Variants in RBFOX1 observed in about 807,000 individuals in gnomAD.
RBFOX1 encodes the protein RNA binding fox-1 homolog 1, also known as RNA binding protein fox-1 homolog 1.
RBFOX1 carries 8 observed loss-of-function variants against 57.7 expected under a neutral mutation model. The observed-to-expected ratio is 0.14, with a 90% CI of 0.08 to 0.25. The LOEUF (loss-of-function observed/expected upper bound fraction) is 0.25. Ranked by LOEUF, RBFOX1 falls within the 10% of genes least tolerant of loss-of-function variation. The probability of loss-of-function intolerance (pLI) is 1.00; values close to 1 mark genes in which losing one functional copy is unlikely to be tolerated. For missense variants in RBFOX1, 611 were observed against 548.5 expected, an observed-to-expected ratio of 1.11 and a Z score of -1.14; for synonymous variants, 326 against 222.4, an observed-to-expected ratio of 1.47 and a Z score of -4.15.
At chr16:6,151,187 A>G (rs1352054261) in intron 1 of RBFOX1, among the ~76,000 whole-genome samples, 1 of 152,164 alleles carries the variant, frequency 6.6e-6, no homozygotes, top group Non-Finnish European at 1.5e-5. Context: ...GGAGGTGGAC[A>G]TCTATTTGGG....
At chr16:5,805,447 G>A (rs1203954891) in intron 3 of RBFOX1, among the ~76,000 whole-genome samples, 56 of 152,162 alleles carry the variant, frequency 3.7e-4, no homozygotes, top group Admixed American at 3.7e-3. Context: ...AGCTGTTAAT[G>A]CCTATTCTTT....
rs115294835 is a variant in RBFOX1 at position 5,515,390 on chromosome 16, C to T, written c.258+48136C>T. Reference sequence around the variant, plus strand: ...CTGGATCAAGTACAGGAAAGGAACCCAGCTTGGAATCCAGCCTCTGAGAGG... The same window carrying T: ...CTGGATCAAGTACAGGAAAGGAACCTAGCTTGGAATCCAGCCTCTGAGAGG... On this transcript the variant is annotated intron_variant, in intron 2 of 2. Coordinates refer to the RBFOX1 transcript ENST00000585867. 2.1e-3 allele frequency among the ~76,000 whole-genome samples: 327 copies of T among 152,314 alleles called. 2 individuals carry two copies. Among genetic ancestry groups the T allele is most frequent in the African/African-American group, 7.4e-3 (306 of 41,582 alleles).
intron 1 of RBFOX1, among the ~76,000 whole-genome samples, chr16:5,390,867 G>A (rs1178669086): frequency 2.0e-5 from 3 of 152,158 alleles, no homozygotes; most frequent in African/African-American, 7.2e-5. Context: ...GTCACCATAA[G>A]GGAAAGCTAG....
intron 1 of RBFOX1, among the ~76,000 whole-genome samples, chr16:6,254,710 T>A (rs2097649463): frequency 6.6e-6 from 1 of 152,206 alleles, no homozygotes; most frequent in East Asian, 1.9e-4. Flanking sequence ...TTTTTAAATT[T>A]TAAAGCATTT....
At chr16:6,394,145 C>T (rs2092721939) in intron 2 of RBFOX1, among the ~76,000 whole-genome samples, 1 of 152,124 alleles carries the variant, frequency 6.6e-6, no homozygotes, top group Admixed American at 6.6e-5. Context: ...TATTGCCAGC[C>T]CTGAATGCAA....
intron 1 of RBFOX1, among the ~76,000 whole-genome samples, chr16:6,259,448 G>C (rs1259572571): frequency 2.0e-5 from 3 of 152,090 alleles, no homozygotes. Context: ...GTGTCTCTGT[G>C]TCCACTTTCT....
At chr16:5,758,831 A>G (rs2053488211) in intron 3 of RBFOX1, among the ~76,000 whole-genome samples, 1 of 152,172 alleles carries the variant, frequency 6.6e-6, no homozygotes, top group Non-Finnish European at 1.5e-5. Context: ...GCTCCCCTAG[A>G]CAGGAAAAAG....
chr16:6,985,811 G>C (rs2090110424), intron 3 of RBFOX1, among the ~76,000 whole-genome samples: 1 of 143,554 alleles, frequency 7.0e-6, no homozygotes, highest in Admixed American at 6.9e-5. Context: ...TCCGGCCTGG[G>C]CCACAGAGCG....
At chr16:7,324,568 C>T (rs2096586842) in intron 4 of RBFOX1, among the ~76,000 whole-genome samples, 1 of 152,204 alleles carries the variant, frequency 6.6e-6, no homozygotes, top group Admixed American at 6.5e-5. Context: ...TTGATCTCAG[C>T]AGAGATGATG....
intron 3 of RBFOX1, among the ~76,000 whole-genome samples, chr16:6,861,487 T>TCCCCCCC (rs34048714): frequency 1.5e-5 from 2 of 133,798 alleles, no homozygotes; most frequent in Non-Finnish European, 3.2e-5. Flanking sequence ...CCCAACCCCC[T>TCCCCCCC]CCCCCCCCGA....
chr16:6,369,712 G>A (rs1450590165), intron 2 of RBFOX1, among the ~76,000 whole-genome samples: 2 of 152,038 alleles, frequency 1.3e-5, no homozygotes, highest in African/African-American at 4.8e-5. Context: ...CACCTTCTAT[G>A]TACGTAAATA....
At chr16:7,401,214 C>T (rs986603226) in intron 4 of RBFOX1, among the ~76,000 whole-genome samples, 3 of 152,126 alleles carry the variant, frequency 2.0e-5, no homozygotes, top group Non-Finnish European at 4.4e-5. Flanking sequence ...CAGTAGTTGG[C>T]GTAAAACCAT....
intron 3 of RBFOX1, chr16:6,704,994 T>C (rs151068707): frequency 6.6e-6 from 1 of 152,300 alleles, no homozygotes; most frequent in Non-Finnish European, 1.5e-5. Context: ...ATGGCTATTT[T>C]TTAACTTTAA....
chr16:6,891,324 C>G (rs973225712), intron 3 of RBFOX1, among the ~76,000 whole-genome samples: 1 of 152,146 alleles, frequency 6.6e-6, no homozygotes, highest in African/African-American at 2.4e-5. Flanking sequence ...GAAAATGAAA[C>G]TTAGAGTAGT....
intron 3 of RBFOX1, among the ~76,000 whole-genome samples, chr16:6,764,058 G>T (rs1487226237): frequency 6.6e-6 from 1 of 152,196 alleles, no homozygotes; most frequent in African/African-American, 2.4e-5. Flanking sequence ...GTACTTGGGT[G>T]ACCTTATTAA....
intron 3 of RBFOX1, among the ~76,000 whole-genome samples, chr16:6,746,148 C>T (rs1235651836): frequency 1.7e-4 from 26 of 151,958 alleles, no homozygotes; most frequent in Admixed American, 1.7e-3. Flanking sequence ...GCATACAGGC[C>T]AATATCGTGT....
intron 13 of RBFOX1, among the ~76,000 whole-genome samples, chr16:7,672,858 T>A (rs1255320338): frequency 5.1e-5 from 1 of 19,730 alleles, no homozygotes; most frequent in Non-Finnish European, 7.2e-5. Context: ...CAGAGAAGAC[T>A]CCATCTCAAA....
intron 1 of RBFOX1, among the ~76,000 whole-genome samples, chr16:6,252,791 G>A (rs955891823): frequency 1.3e-5 from 2 of 152,130 alleles, no homozygotes; most frequent in Admixed American, 1.3e-4. Context: ...TCTGCGTAGG[G>A]AATTAGCAAA....
intron 2 of RBFOX1, chr16:6,574,028 G>C (rs2097385021): frequency 6.6e-6 from 1 of 152,348 alleles, no homozygotes; most frequent in Admixed American, 6.5e-5. Flanking sequence ...CTGTCACCCA[G>C]ACAATTTTTC....
Sources: allele counts gnomAD v4.1 joint callset (sites outside exome capture counted in the v4.1 genomes callset), GRCh38; gene constraint gnomAD v4.1.1; transcripts MANE v1.5; gene names NCBI Gene and HGNC (gene_info 2026-07-23, HGNC 2026-07-21).